DIP2C: variants seen among roughly 807,000 people sequenced by gnomAD.
DIP2C encodes disco-interacting protein 2 homolog C.
A neutral mutation model predicts 192.4 loss-of-function variants in DIP2C; 33 were observed. The ratio of observed to expected loss-of-function variants is 0.17; its 90% CI spans 0.13 to 0.23. DIP2C has a LOEUF of 0.23. DIP2C is among the 10% of genes least tolerant of loss of function. The probability of loss-of-function intolerance (pLI) is 1.00; values close to 1 mark genes in which losing one functional copy is unlikely to be tolerated. For synonymous variants in DIP2C, 979 were observed against 864.1 expected, an observed-to-expected ratio of 1.13 and a Z score of -2.33; for missense variants, 1,537 against 2,110.1, an observed-to-expected ratio of 0.73 and a Z score of 5.32.
Position 357,643 on chromosome 10 carries a change from G to A in DIP2C, c.2904+185C>T, listed in dbSNP as rs906077454. On this transcript the variant is annotated intron_variant, in intron 23 of 36. Coordinates refer to ENST00000280886, the MANE Select transcript of DIP2C (RefSeq NM_014974.3). ...TCTGCAGTGGTGGTCCACCACCAGC[G>A]CGCGACATCGGAGACTGTCGGGAAA... Among the ~76,000 whole-genome samples, 6 of 152,340 alleles carry A rather than the reference G, an allele frequency of 3.9e-5. No homozygotes were observed. In the South Asian group the frequency reaches 6.2e-4, roughly 16 times the overall value.
chr10:297,766 T>C (rs563923781), intron 32 of DIP2C, among the ~76,000 whole-genome samples: 2 of 152,258 alleles, frequency 1.3e-5, no homozygotes, highest in African/African-American at 4.8e-5. Flanking sequence ...AGGATGACTA[T>C]AACTAACAGT....
intron 1 of DIP2C, among the ~76,000 whole-genome samples, chr10:542,005 C>A (rs893681777): frequency 6.6e-6 from 1 of 152,232 alleles, no homozygotes; most frequent in African/African-American, 2.4e-5. Flanking sequence ...ACTCCCAGTG[C>A]ACACGTTGGT....
intron 4 of DIP2C, among the ~76,000 whole-genome samples, chr10:436,799 C>T (rs185968820): frequency 5.9e-4 from 82 of 140,026 alleles, no homozygotes; most frequent in Admixed American, 2.8e-3. Context: ...CTGAGCTCCG[C>T]CTCCTGGACA....
At chr10:384,464 C>T (rs1183006612) in intron 15 of DIP2C, 82 bp downstream of exon 15, 1 of 1,419,620 alleles carries the variant, frequency 7.0e-7, no homozygotes, top group Admixed American at 1.7e-5. Context: ...TCTGGAACTC[C>T]TGACCTCAGG....
chr10:288,516 G>T, intron 32 of DIP2C, 95 bp from the exon 33 acceptor site: 1 of 1,317,534 alleles, frequency 7.6e-7, no homozygotes, highest in South Asian at 1.2e-5. Flanking sequence ...GCAGCTGTCC[G>T]GGAAAGCTGA....
intron 3 of DIP2C, among the ~76,000 whole-genome samples, chr10:451,479 T>A (rs541445605): frequency 7.9e-5 from 12 of 152,308 alleles, no homozygotes; most frequent in Non-Finnish European, 1.6e-4. Flanking sequence ...TTTTACAGCC[T>A]CTTTCTATGT....
At chr10:483,905 T>C (rs961109030) in intron 2 of DIP2C, among the ~76,000 whole-genome samples, 6 of 152,058 alleles carry the variant, frequency 3.9e-5, no homozygotes, top group African/African-American at 1.4e-4. Context: ...CAGCCTTGAC[T>C]TCTTGGATTC....
intron 1 of DIP2C, among the ~76,000 whole-genome samples, chr10:522,384 C>A (rs900855118): frequency 6.6e-6 from 1 of 152,280 alleles, no homozygotes; most frequent in Admixed American, 6.5e-5. Context: ...CTGTCAACAT[C>A]TGTGTGCAGA....
chr10:442,558 A>G (rs79945599), intron 3 of DIP2C, among the ~76,000 whole-genome samples: 203 of 152,304 alleles, frequency 1.3e-3, no homozygotes, highest in African/African-American at 4.6e-3. Context: ...ATAATTTCAG[A>G]TACACAGAAA....
chr10:590,820 G>A (rs756765160), intron 1 of DIP2C, among the ~76,000 whole-genome samples: 17 of 152,134 alleles, frequency 1.1e-4, no homozygotes, highest in Admixed American at 2.0e-4. Flanking sequence ...TCGTCCTAAG[G>A]TCTCCACCGC....
chr10:602,975 G>A (rs935389509), intron 1 of DIP2C, among the ~76,000 whole-genome samples: 6 of 152,138 alleles, frequency 3.9e-5, no homozygotes, highest in East Asian at 1.9e-4. Flanking sequence ...CAAGAGTGCT[G>A]GGTGATTAAC....
At chr10:621,959 A>AGG (rs1361976020) in intron 1 of DIP2C, among the ~76,000 whole-genome samples, 5 of 151,906 alleles carry the variant, frequency 3.3e-5, no homozygotes, top group Admixed American at 6.6e-5. Flanking sequence ...CAAACACCAT[A>AGG]GCCTGTTTTT....
Position 582,621 on chromosome 10 carries a change from T to C in DIP2C, c.86-96091A>G, listed in dbSNP as rs1454099008. On this transcript the variant is annotated intron_variant, in intron 1 of 36. Transcript: ENST00000280886. ...AAACTAAAAACCAACAGAAACTGGATGCGTTTAGGTGGAGGAAACACCGCA... is the reference window on the plus strand; with the variant it reads ...AAACTAAAAACCAACAGAAACTGGACGCGTTTAGGTGGAGGAAACACCGCA... 5.3e-5 allele frequency among the ~76,000 whole-genome samples: 8 copies of C among 152,170 alleles called. No homozygotes were observed. In the East Asian group the frequency reaches 1.2e-3, roughly 22 times the overall value.
intron 1 of DIP2C, among the ~76,000 whole-genome samples, chr10:682,215 G>T (rs79067927): frequency 2.0e-5 from 3 of 152,182 alleles, no homozygotes; most frequent in African/African-American, 4.8e-5. Context: ...AGGACCCTGC[G>T]CTGGGCACAC....
chr10:317,045 T>G (rs1189724400), intron 31 of DIP2C, among the ~76,000 whole-genome samples: 1 of 152,236 alleles, frequency 6.6e-6, no homozygotes, highest in Non-Finnish European at 1.5e-5. Context: ...TCTTGTGACT[T>G]CTACATCTCA....
At chr10:441,573 A>T (rs1240774310) in intron 3 of DIP2C, among the ~76,000 whole-genome samples, 2 of 152,070 alleles carry the variant, frequency 1.3e-5, no homozygotes, top group Non-Finnish European at 2.9e-5. Flanking sequence ...GATAGTGAGT[A>T]AGTTTCATGA....
At chr10:427,211 G>C (rs771888916) in intron 4 of DIP2C, among the ~76,000 whole-genome samples, 23 of 152,134 alleles carry the variant, frequency 1.5e-4, no homozygotes, top group Non-Finnish European at 3.2e-4. Context: ...AACCTCTAGA[G>C]GCCACCTGTG....
intron 1 of DIP2C, among the ~76,000 whole-genome samples, chr10:514,545 G>A (rs575936597): frequency 5.3e-5 from 8 of 152,302 alleles, no homozygotes; most frequent in East Asian, 1.9e-4. Context: ...CCGCATGGCC[G>A]TCCGTGTCCC....
At chr10:339,296 A>C (rs1245368304) in intron 29 of DIP2C, among the ~76,000 whole-genome samples, 7 of 151,988 alleles carry the variant, frequency 4.6e-5, no homozygotes, top group Admixed American at 4.6e-4. Flanking sequence ...TTTCTTTTTT[A>C]ATGGGAAGAT....
Sources: allele counts gnomAD v4.1 joint callset (sites outside exome capture counted in the v4.1 genomes callset), GRCh38; gene constraint gnomAD v4.1.1; transcripts MANE v1.5; gene names NCBI Gene and HGNC (gene_info 2026-07-23, HGNC 2026-07-21).